The following ZSCAN25 variants were observed in gnomAD, a reference collection of about 807,000 sequenced individuals.
ZSCAN25 encodes zinc finger and SCAN domain containing 25.
A neutral mutation model predicts 38.7 loss-of-function variants in ZSCAN25; 27 were observed. That is an observed-to-expected ratio of 0.70 (90% CI 0.51 to 0.96). ZSCAN25 has a LOEUF of 0.96. ZSCAN25 is among the 40% of genes least tolerant of loss of function. The pLI, the probability that ZSCAN25 is intolerant of heterozygous loss-of-function variation, is 0.00. For synonymous variants in ZSCAN25, 273 were observed against 277.7 expected (o/e 0.98, Z 0.17); for missense variants, 637 against 705.9 (o/e 0.90, Z 1.11).
rs1808056777 is a variant in ZSCAN25, at chr7:99,632,226, G to T, written c.*2206G>T. 1 of 985,092 alleles carries T rather than the reference G, an allele frequency of 1.0e-6. No homozygotes were observed. The highest frequency in any genetic ancestry group is 1.2e-6 in the Non-Finnish European group (1 of 829,828). The allele number at this position is 985,092 out of a possible 1,614,324, so 61.0% of individuals were successfully genotyped here. On this transcript the variant is annotated 3_prime_UTR_variant, in exon 8 of 8. Transcript: ENST00000394152. ...GTCTCAGAAAAGCCTCTAAGTAGGG[G>T]GTTTTTCCCATGGGATTGTGGTAGT... is the stretch of plus-strand genomic sequence containing the variant.
chr7:99,695,151 A>G, the ZSCAN25 span, among the ~76,000 whole-genome samples: 1 of 152,218 alleles, frequency 6.6e-6, no homozygotes, highest in Non-Finnish European at 1.5e-5. Flanking sequence ...CCAAAGCTGC[A>G]AAAGATGTCA....
intron 1 of ZSCAN25, 100 bp from the exon 2 acceptor site, chr7:99,618,425 A>G (rs1340547970): frequency 2.6e-5 from 4 of 152,172 alleles, no homozygotes; most frequent in Admixed American, 1.3e-4. Context: ...TAGATGAAAT[A>G]TGTGTTCACA....
the ZSCAN25 span, chr7:99,659,866 C>A: frequency 6.6e-6 from 1 of 152,602 alleles, no homozygotes; most frequent in African/African-American, 2.4e-5. Context: ...GCGTAGGACC[C>A]TCCGAGCCAT....
At chr7:99,620,177 G>A (rs1033458373) in intron 4 of ZSCAN25, 184 bp downstream of exon 4, 15 of 842,480 alleles carry the variant, frequency 1.8e-5, no homozygotes, top group Non-Finnish European at 2.7e-5. Context: ...ATTCCCAGGG[G>A]AGATGCTGCC....
chr7:99,630,003 G>A lies in ZSCAN25; in HGVS notation c.1618G>A (p.Glu540Lys). The A allele has an allele frequency of 6.4e-7, 1 of 1,571,412 alleles. No individual in the cohort carries two copies. The highest frequency in any genetic ancestry group is 8.6e-7 in the Non-Finnish European group (1 of 1,158,748). ...GCACCAGAAGACCCAGCACCGCCAG[G>A]AGCCGCTGGTGCAGTGAGCATAGCA... is the stretch of plus-strand genomic sequence containing the variant. Reference protein sequence around the residue: ...NRHQKTQHRQEPLVQ With the variant: ...NRHQKTQHRQKPLVQ The change falls in exon 8 of 8, where the codon GAG becomes AAG. Residue 540 changes from glutamate (E) to lysine (K), a missense_variant. Transcript: ENST00000394152.
chr7:99,706,377 G>A, the ZSCAN25 span, among the ~76,000 whole-genome samples: 1 of 152,178 alleles, frequency 6.6e-6, no homozygotes. Context: ...CCTTCTCTCA[G>A]GGCTGAGTCT....
At position 99,629,261 on chromosome 7, in the gene ZSCAN25, A is replaced by G. The variant is rs1807771349; in HGVS notation, c.876A>G (p.Thr292=). The part of the protein sequence containing the change: ...EDLKGALVAL[T]SERFGEASLQ... ...TGAAAGGGGCGCTGGTGGCACTGAC[A>G]TCAGAGAGGTTTGGGGAAGCCTCTC... is the stretch of plus-strand genomic sequence containing the variant. The change falls in exon 8 of 8, where the codon ACA becomes ACG. Residue 292 remains threonine (T), a synonymous_variant. Coordinates refer to ENST00000394152, the MANE Select transcript of ZSCAN25 (RefSeq NM_145115.3). This position sits in a 1 kb window ranked among gnomAD's most constrained non-coding sequence, Gnocchi z 5.6. 1.9e-6 allele frequency: 3 copies of G among 1,614,122 alleles called. No individual in the cohort carries two copies. The highest frequency in any genetic ancestry group is 2.7e-5 in the African/African-American group (2 of 75,054).
chr7:99,695,980 G>A, the ZSCAN25 span: 7 of 670,458 alleles, frequency 1.0e-5, no homozygotes, highest in Admixed American at 2.0e-4. Flanking sequence ...AACTCTGACA[G>A]CAATGATTAT....
chr7:99,620,038 G>A, intron 4 of ZSCAN25, 45 bp downstream of exon 4: 2 of 1,547,734 alleles, frequency 1.3e-6, no homozygotes, highest in South Asian at 2.4e-5. Context: ...GGCGTGGGCA[G>A]GGAATGTTAA....
chr7:99,689,384 A>C, the ZSCAN25 span, among the ~76,000 whole-genome samples: 1 of 152,198 alleles, frequency 6.6e-6, no homozygotes, highest in African/African-American at 2.4e-5. Context: ...GAATACTACA[A>C]ACACCTATAT....
the ZSCAN25 span, chr7:99,672,648 T>C: frequency 1.9e-6 from 3 of 1,614,192 alleles, no homozygotes; most frequent in Non-Finnish European, 2.5e-6. Context: ...GGATCTGTGA[T>C]GGCCAGCACA....
the ZSCAN25 span, among the ~76,000 whole-genome samples, chr7:99,691,024 C>G: frequency 2.0e-5 from 3 of 152,124 alleles, no homozygotes; most frequent in African/African-American, 4.8e-5. Context: ...TTCACAATAG[C>G]AAAGACTTGG....
the ZSCAN25 span, among the ~76,000 whole-genome samples, chr7:99,656,409 C>A: frequency 6.6e-6 from 1 of 152,190 alleles, no homozygotes; most frequent in Non-Finnish European, 1.5e-5. Flanking sequence ...GTTGAACCAG[C>A]CTTGCATCCC....
chr7:99,703,872 C>T, the ZSCAN25 span, among the ~76,000 whole-genome samples: 1 of 151,888 alleles, frequency 6.6e-6, no homozygotes, highest in Admixed American at 6.6e-5. Flanking sequence ...GACTCCCACA[C>T]CCAGGCAGGC....
At chr7:99,703,808 T>A in the ZSCAN25 span, among the ~76,000 whole-genome samples, 1 of 152,024 alleles carries the variant, frequency 6.6e-6, no homozygotes, top group African/African-American at 2.4e-5. Flanking sequence ...CTATTTAGGC[T>A]CTGGCTGCTC....
the ZSCAN25 span, chr7:99,717,667 C>T: frequency 1.2e-6 from 2 of 1,611,886 alleles, no homozygotes; most frequent in East Asian, 4.5e-5. Context: ...AAGATTTTGT[C>T]CTACATCAGT....
chr7:99,652,206 T>G, the ZSCAN25 span: 1 of 150,074 alleles, frequency 6.7e-6, no homozygotes, highest in African/African-American at 2.4e-5. Context: ...TGTATATTTA[T>G]AGTAATATAG....
the ZSCAN25 span, chr7:99,720,291 AT>A: frequency 6.2e-7 from 1 of 1,611,514 alleles, no homozygotes. Flanking sequence ...GAGTATTTTA[AT>A]TTCAAAAAAT....
chr7:99,664,092 A>C, the ZSCAN25 span: 2 of 1,574,920 alleles, frequency 1.3e-6, no homozygotes, highest in Non-Finnish European at 8.5e-7. Context: ...GAATGGAAAG[A>C]GTACTGTGGG....
Sources: gnomAD v4.1 joint callset for allele counts (sites outside exome capture counted in the v4.1 genomes callset) on GRCh38, gnomAD v4.1.1 for gene constraint, Gnocchi (gnomAD v3.1) non-coding constraint, MANE v1.5 for transcripts, NCBI Gene and HGNC (gene_info 2026-07-23, HGNC 2026-07-21) for gene names.